Variants in WDR19 observed in about 807,000 individuals in gnomAD.
The protein encoded by WDR19 is WD repeat domain 19, also known as WD repeat-containing protein 19.
In WDR19, 121 loss-of-function variants were observed where a neutral mutation model predicts 180.0. That is an observed-to-expected ratio of 0.67 (90% CI 0.58 to 0.78). The LOEUF (loss-of-function observed/expected upper bound fraction) is 0.78. Ranked by LOEUF, WDR19 falls within the 30% of genes least tolerant of loss-of-function variation. The probability of loss-of-function intolerance (pLI) is 0.00; values close to 1 mark genes in which losing one functional copy is unlikely to be tolerated. For synonymous variants in WDR19, 497 were observed against 540.7 expected (o/e 0.92, Z 1.12); for missense variants, 1,450 against 1,640.7 (o/e 0.88, Z 2.01).
chr4:39,267,278 T>C (rs755703932), intron 29 of WDR19, among the ~76,000 whole-genome samples: 2 of 152,138 alleles, frequency 1.3e-5, no homozygotes, highest in African/African-American at 2.4e-5. Flanking sequence ...AAGTCACTGA[T>C]TGGAAACGAG....
chr4:39,192,836 G>T (rs1376534141), intron 4 of WDR19, among the ~76,000 whole-genome samples: 1 of 152,154 alleles, frequency 6.6e-6, no homozygotes, highest in Admixed American at 6.5e-5. Flanking sequence ...AAAGTTACCT[G>T]TCAAAGGAGT....
At chr4:39,237,860 A>G (rs1418121181) in intron 20 of WDR19, 1 of 152,254 alleles carries the variant, frequency 6.6e-6, no homozygotes, top group African/African-American at 2.4e-5. Flanking sequence ...AAGTCCTGTC[A>G]GAGTACAGAC....
At chr4:39,199,909 A>C (rs1328943040) in intron 6 of WDR19, among the ~76,000 whole-genome samples, 2 of 152,354 alleles carry the variant, frequency 1.3e-5, no homozygotes, top group Non-Finnish European at 1.5e-5. Flanking sequence ...TTATAATACA[A>C]ATGTTAATAA....
chr4:39,243,721 A>T (rs930907079), intron 21 of WDR19, among the ~76,000 whole-genome samples: 6 of 152,334 alleles, frequency 3.9e-5, no homozygotes, highest in South Asian at 4.1e-4. Context: ...TCATCACAGA[A>T]AGTTTTACTA....
intron 6 of WDR19, 115 bp downstream of exon 6, chr4:39,199,708 G>T (rs1577858730): frequency 1.5e-6 from 1 of 680,146 alleles, no homozygotes; most frequent in Admixed American, 3.1e-5. Context: ...AGGTATATAT[G>T]TGTGTGTGTG....
intron 17 of WDR19, 127 bp downstream of exon 17, chr4:39,228,817 T>A: frequency 1.8e-6 from 2 of 1,091,168 alleles, no homozygotes; most frequent in Non-Finnish European, 2.5e-6. Flanking sequence ...TTTTTTTTTT[T>A]TGTAAATGTA....
intron 18 of WDR19, 73 bp from the exon 19 acceptor site, chr4:39,232,089 T>C: frequency 1.3e-6 from 2 of 1,521,706 alleles, no homozygotes; most frequent in Non-Finnish European, 1.8e-6. Context: ...TTCCTACTGA[T>C]CAAAGTCCTT....
At chr4:39,267,822 T>A (rs902822379) in intron 29 of WDR19, among the ~76,000 whole-genome samples, 173 bp from the exon 30 acceptor site, 20 of 152,194 alleles carry the variant, frequency 1.3e-4, no homozygotes, top group Non-Finnish European at 2.9e-5. Flanking sequence ...CTGGCCATAT[T>A]GAGCTCTGAA....
intron 3 of WDR19, among the ~76,000 whole-genome samples, chr4:39,187,395 G>A (rs1725680272): frequency 6.7e-6 from 1 of 150,074 alleles, no homozygotes. Flanking sequence ...ACTCCAGCCT[G>A]GGTGACAGAA....
chr4:39,191,794 C>T (rs896978507), intron 4 of WDR19, among the ~76,000 whole-genome samples: 11 of 152,110 alleles, frequency 7.2e-5, no homozygotes, highest in Admixed American at 4.6e-4. Flanking sequence ...CTTGAGTTGT[C>T]GTATTAGTAA....
chr4:39,249,392 G>A (rs975103816), intron 24 of WDR19, among the ~76,000 whole-genome samples: 2 of 152,008 alleles, frequency 1.3e-5, no homozygotes, highest in Non-Finnish European at 2.9e-5. Flanking sequence ...AGAGAAAGCA[G>A]GAAAGATCTA....
In WDR19 at chr4:39,217,965, T is replaced by C; in HGVS notation, c.1357-18T>C. 1 of 1,613,056 alleles carries C rather than the reference T, an allele frequency of 6.2e-7. No homozygotes were observed. The highest frequency in any genetic ancestry group is 8.5e-7 in the Non-Finnish European group (1 of 1,179,526). ...ACTCAAATAAATCTGTGAGCCATTA[T>C]TATTCTTTACGTTTTAGATAGAAAG... On this transcript the variant is annotated intron_variant, in intron 13 of 36. Coordinates refer to ENST00000399820, the MANE Select transcript of WDR19 (RefSeq NM_025132.4).
intron 28 of WDR19, among the ~76,000 whole-genome samples, chr4:39,261,283 C>T (rs780512195): frequency 1.1e-4 from 16 of 152,144 alleles, no homozygotes; most frequent in African/African-American, 2.9e-4. Flanking sequence ...TGAGCCACCG[C>T]GCCCGGCCTG....
chr4:39,229,350 G>A (rs1730610936), intron 17 of WDR19, among the ~76,000 whole-genome samples: 1 of 152,000 alleles, frequency 6.6e-6, no homozygotes, highest in Non-Finnish European at 1.5e-5. Context: ...CATTTCACAG[G>A]GATATTGTGA....
At chr4:39,240,782 T>C (rs1181654328) in intron 21 of WDR19, among the ~76,000 whole-genome samples, 1 of 151,366 alleles carries the variant, frequency 6.6e-6, no homozygotes, top group African/African-American at 2.4e-5. Context: ...AAACCCCATC[T>C]CTACTAAAAA....
rs988894311 is a variant in WDR19, at chr4:39,244,661, C to A, written c.2645+109C>A. On this transcript the variant is annotated intron_variant, in intron 23 of 36. Transcript: ENST00000399820. ...CTTTCTCTCTGTCCATTCTGTTCCCCTATCTAGACCTACCCTTCATCTCTT... is the reference window on the plus strand; with the variant it reads ...CTTTCTCTCTGTCCATTCTGTTCCCATATCTAGACCTACCCTTCATCTCTT... 9 of 1,070,034 alleles carry A rather than the reference C, an allele frequency of 8.4e-6. No homozygotes were observed. The African/African-American group carries it at 1.3e-4, about 15-fold the overall frequency. The allele number at this position is 1,070,034 out of a possible 1,614,324, so 66.3% of individuals were successfully genotyped here. A position where few individuals can be genotyped will look rare whatever the true frequency, so the allele number is the denominator to read the frequency against.
At chr4:39,183,186 C>T (rs935394569) in intron 1 of WDR19, among the ~76,000 whole-genome samples, 7 of 149,818 alleles carry the variant, frequency 4.7e-5, no homozygotes, top group Non-Finnish European at 1.0e-4. Context: ...GCTTCTTGTT[C>T]ACCCCACTTT....
intron 23 of WDR19, 52 bp downstream of exon 23, chr4:39,244,604 T>G: frequency 6.2e-7 from 1 of 1,603,398 alleles, no homozygotes. Context: ...TGAATGTGCC[T>G]CTGGGGTCTC....
chr4:39,210,023 T>A (rs1728331672), intron 9 of WDR19, among the ~76,000 whole-genome samples: 1 of 152,144 alleles, frequency 6.6e-6, no homozygotes, highest in South Asian at 2.1e-4. Context: ...AAAATGGAAT[T>A]AGTGATTTAA....
Sources: allele counts gnomAD v4.1 joint callset (sites outside exome capture counted in the v4.1 genomes callset), GRCh38; gene constraint gnomAD v4.1.1; transcripts MANE v1.5; gene names NCBI Gene and HGNC (gene_info 2026-07-23, HGNC 2026-07-21).